Variants in MINDY4 observed in about 807,000 individuals in gnomAD.
The protein encoded by MINDY4 is probable ubiquitin carboxyl-terminal hydrolase MINDY-4.
Under a neutral mutation model 87.0 loss-of-function variants are expected in MINDY4, and 68 were observed. That is an observed-to-expected ratio of 0.78 (90% CI 0.64 to 0.96). MINDY4 has a LOEUF of 0.96. MINDY4 is among the 40% of genes least tolerant of loss of function. MINDY4 has a pLI of 0.00. For synonymous variants in MINDY4, 379 were observed against 363.2 expected (o/e 1.04, Z -0.50); for missense variants, 919 against 928.2 (o/e 0.99, Z 0.13).
chr7:30,820,292 GAATTT>G (rs1356913538), intron 5 of MINDY4, among the ~76,000 whole-genome samples: 3 of 151,920 alleles, frequency 2.0e-5, no homozygotes, highest in African/African-American at 7.3e-5. Context: ...TGATTTACTT[GAATTT>G]ATTTGTCCTG....
chr7:30,858,886 G>A (rs1789660921), intron 12 of MINDY4: 3 of 437,998 alleles, frequency 6.8e-6, no homozygotes, highest in South Asian at 3.6e-5. Flanking sequence ...TATGCTAGAG[G>A]GCAGTAATCA....
intron 5 of MINDY4, among the ~76,000 whole-genome samples, chr7:30,796,469 T>G (rs1210143181): frequency 6.6e-6 from 1 of 152,220 alleles, no homozygotes; most frequent in African/African-American, 2.4e-5. Flanking sequence ...ATATAGTCCA[T>G]GCAATTGAAG....
At chr7:30,876,405 C>T (rs942313156) in intron 15 of MINDY4, among the ~76,000 whole-genome samples, 1 of 152,174 alleles carries the variant, frequency 6.6e-6, no homozygotes, top group African/African-American at 2.4e-5. Flanking sequence ...TTCTGAGGTA[C>T]TGGGGGCTAG....
At chr7:30,811,619 A>G (rs773538250) in intron 5 of MINDY4, among the ~76,000 whole-genome samples, 12 of 152,226 alleles carry the variant, frequency 7.9e-5, no homozygotes, top group Non-Finnish European at 1.3e-4. Flanking sequence ...CCACAAGCAG[A>G]CAGCCCAGCG....
At chr7:30,890,341 C>T (rs928506598) in intron 17 of MINDY4, among the ~76,000 whole-genome samples, 6 of 152,266 alleles carry the variant, frequency 3.9e-5, no homozygotes, top group Non-Finnish European at 7.3e-5. Flanking sequence ...GACATCCTTA[C>T]ATTCCCCGAT....
At chr7:30,832,016 T>C (rs1305126519) in intron 6 of MINDY4, among the ~76,000 whole-genome samples, 1 of 152,212 alleles carries the variant, frequency 6.6e-6, no homozygotes, top group African/African-American at 2.4e-5. Context: ...TTGCATGGCA[T>C]TCCCACCACG....
chr7:30,780,829 A>G (rs1786990354), intron 2 of MINDY4: 1 of 152,266 alleles, frequency 6.6e-6, no homozygotes, highest in African/African-American at 2.4e-5. Context: ...TTACTGAGAG[A>G]AAAAGCAAGA....
intron 13 of MINDY4, among the ~76,000 whole-genome samples, chr7:30,861,875 T>G (rs1299214962): frequency 4.6e-5 from 7 of 152,226 alleles, no homozygotes; most frequent in Non-Finnish European, 1.0e-4. Context: ...GCTTCTGTGG[T>G]GACACTCACC....
chr7:30,793,622 T>A (rs1489340778), intron 5 of MINDY4, among the ~76,000 whole-genome samples: 2 of 152,272 alleles, frequency 1.3e-5, no homozygotes, highest in Non-Finnish European at 2.9e-5. Context: ...GGTTTTGTTA[T>A]GTTGCCCAGG....
At chr7:30,855,066 G>C (rs1415759088) in intron 12 of MINDY4, among the ~76,000 whole-genome samples, 1 of 152,248 alleles carries the variant, frequency 6.6e-6, no homozygotes, top group Non-Finnish European at 1.5e-5. Context: ...TCACTCAGTA[G>C]GCCAACTGCT....
chr7:30,774,117 T>A (rs995569652), intron 1 of MINDY4, among the ~76,000 whole-genome samples: 2 of 152,228 alleles, frequency 1.3e-5, no homozygotes, highest in Non-Finnish European at 2.9e-5. Context: ...GCCCACCTGG[T>A]TGCAACTCTC....
chr7:30,793,420 CTT>C (rs59690003), intron 5 of MINDY4, among the ~76,000 whole-genome samples: 1 of 140,978 alleles, frequency 7.1e-6, no homozygotes, highest in Admixed American at 7.1e-5. Context: ...CTTTGGTTTG[CTT>C]TTTTTTTTTT....
At chr7:30,795,338 T>C (rs187380536) in intron 5 of MINDY4, among the ~76,000 whole-genome samples, 1 of 152,298 alleles carries the variant, frequency 6.6e-6, no homozygotes, top group East Asian at 1.9e-4. Flanking sequence ...AAGAGTTTTA[T>C]CCTCCCTTAG....
chr7:30,856,272 C>G (rs531687991), intron 12 of MINDY4, among the ~76,000 whole-genome samples: 7 of 152,198 alleles, frequency 4.6e-5, no homozygotes, highest in Non-Finnish European at 1.0e-4. Flanking sequence ...GCGTGTTGCC[C>G]TGTGGCCTCC....
At chr7:30,858,073 T>A (rs1789631810) in intron 12 of MINDY4, 1 of 151,988 alleles carries the variant, frequency 6.6e-6, no homozygotes, top group African/African-American at 2.4e-5. Flanking sequence ...AAAATGTGAT[T>A]ACACATAAGG....
chr7:30,878,968 C>T (rs1790372777), intron 15 of MINDY4, among the ~76,000 whole-genome samples: 1 of 152,210 alleles, frequency 6.6e-6, no homozygotes. Flanking sequence ...AGCTCCTGTC[C>T]CCATCGCTTT....
chr7:30,821,516 T>A (rs1193003703), intron 5 of MINDY4, among the ~76,000 whole-genome samples: 1 of 152,214 alleles, frequency 6.6e-6, no homozygotes, highest in African/African-American at 2.4e-5. Flanking sequence ...TTTCTCATTG[T>A]CTTTTGTATT....
chr7:30,800,733 A>G lies in MINDY4; in HGVS notation c.1073+9159A>G, dbSNP rs1325288393. Among the ~76,000 whole-genome samples the G allele has an allele frequency of 3.9e-5, 6 of 152,358 alleles. No homozygotes were observed. In the East Asian group the frequency reaches 1.2e-3, roughly 29 times the overall value. On this transcript the variant is annotated intron_variant, in intron 5 of 17. Transcript: ENST00000265299. ...GGCTGTACTTTTAATTCACAGATCC[A>G]GGGGAAGATTAACCTGCCTTGTTCT...
At chr7:30,876,294 A>G (rs1325712838) in intron 15 of MINDY4, among the ~76,000 whole-genome samples, 2 of 152,038 alleles carry the variant, frequency 1.3e-5, no homozygotes, top group South Asian at 2.1e-4. Context: ...CTTTTCTTAT[A>G]CAGACCTCAG....
Sources: allele counts gnomAD v4.1 joint callset (sites outside exome capture counted in the v4.1 genomes callset), GRCh38; gene constraint gnomAD v4.1.1; transcripts MANE v1.5; gene names NCBI Gene and HGNC (gene_info 2026-07-23, HGNC 2026-07-21).